The following LRRC7 variants were observed in gnomAD, a reference collection of about 807,000 sequenced individuals.
The protein encoded by LRRC7 is leucine rich repeat containing 7, also known as leucine-rich repeat-containing protein 7.
A neutral mutation model predicts 175.7 loss-of-function variants in LRRC7; 23 were observed. That is an observed-to-expected ratio of 0.13 (90% CI 0.09 to 0.19). The LOEUF (loss-of-function observed/expected upper bound fraction) is 0.19, where lower values mean the gene tolerates loss of function less well. LRRC7 is among the 10% of genes least tolerant of loss of function. The pLI, the probability that LRRC7 is intolerant of heterozygous loss-of-function variation, is 1.00. For missense variants in LRRC7, 1,354 were observed against 1,904.7 expected (o/e 0.71, Z 5.38); for synonymous variants, 685 against 680.9 (o/e 1.01, Z -0.09).
chr1:69,843,238 A>G (rs1681939953), intron 7 of LRRC7, among the ~76,000 whole-genome samples: 2 of 151,942 alleles, frequency 1.3e-5, no homozygotes, highest in Non-Finnish European at 2.9e-5. Context: ...AGTATAGAGC[A>G]TCAAAAAGAG....
intron 1 of LRRC7, among the ~76,000 whole-genome samples, chr1:69,677,880 C>G (rs12133092): frequency 0.21 from 31,779 of 151,942 alleles, 3,483 homozygotes; most frequent in South Asian, 0.29. Flanking sequence ...GTTCCTTGTG[C>G]AGGCCTTCAC....
intron 4 of LRRC7, among the ~76,000 whole-genome samples, chr1:69,810,750 T>G (rs955816247): frequency 6.6e-6 from 1 of 152,204 alleles, no homozygotes; most frequent in South Asian, 2.1e-4. Flanking sequence ...ATCCTTTCCT[T>G]GCACCTTACA....
At chr1:69,679,306 C>A (rs1439087332) in intron 2 of LRRC7, among the ~76,000 whole-genome samples, 1 of 151,968 alleles carries the variant, frequency 6.6e-6, no homozygotes, top group Non-Finnish European at 1.5e-5. Flanking sequence ...AAGGATAAAG[C>A]TAATGTAGTG....
chr1:69,777,380 CT>C (rs1367304553), intron 3 of LRRC7, among the ~76,000 whole-genome samples: 1 of 152,160 alleles, frequency 6.6e-6, no homozygotes, highest in African/African-American at 2.4e-5. Context: ...TCATTTGTAT[CT>C]TTTACAATGC....
At chr1:69,767,279 T>C (rs940639377) in intron 3 of LRRC7, among the ~76,000 whole-genome samples, 1 of 152,142 alleles carries the variant, frequency 6.6e-6, no homozygotes, top group African/African-American at 2.4e-5. Context: ...AAATAGAATA[T>C]AACACTTTTA....
At chr1:69,985,100 A>ATGCTT (rs1557958417) in intron 9 of LRRC7, among the ~76,000 whole-genome samples, 1 of 152,088 alleles carries the variant, frequency 6.6e-6, no homozygotes, top group Admixed American at 6.5e-5. Context: ...CATTCACTAC[A>ATGCTT]TGCTTTTTTA....
intron 7 of LRRC7, among the ~76,000 whole-genome samples, chr1:69,930,129 GTTATT>G (rs1200627062): frequency 2.6e-5 from 4 of 151,918 alleles, no homozygotes; most frequent in African/African-American, 7.3e-5. Flanking sequence ...CTTTTAATAT[GTTATT>G]TTATTTTATT....
chr1:69,767,937 A>AG (rs949660677), intron 3 of LRRC7, among the ~76,000 whole-genome samples: 1 of 151,982 alleles, frequency 6.6e-6, no homozygotes, highest in Non-Finnish European at 1.5e-5. Flanking sequence ...GCCCTAGGTG[A>AG]GGGAAAAAAA....
intron 7 of LRRC7, chr1:69,873,542 A>T (rs1478181836): frequency 1.9e-6 from 1 of 523,816 alleles, no homozygotes; most frequent in Non-Finnish European, 3.9e-6. Context: ...GAGGATGTGG[A>T]GGGAGCAGCT....
chr1:69,658,094 T>C (rs1310402607), intron 1 of LRRC7, among the ~76,000 whole-genome samples: 3 of 151,824 alleles, frequency 2.0e-5, no homozygotes, highest in Non-Finnish European at 4.4e-5. Flanking sequence ...TCTGATGTAA[T>C]ACAAAAAAAC....
At chr1:69,616,921 G>GT (rs1557490916) in intron 1 of LRRC7, among the ~76,000 whole-genome samples, 1 of 152,000 alleles carries the variant, frequency 6.6e-6, no homozygotes, top group African/African-American at 2.4e-5. Context: ...TGAGAGGAAC[G>GT]TATGTTCATA....
rs190590199 is a variant in LRRC7, at chr1:69,652,591, G to A, written c.3-25790G>A. 1.1e-3 allele frequency among the ~76,000 whole-genome samples: 165 copies of A among 151,962 alleles called. 1 individual carries two copies. Among genetic ancestry groups the A allele is most frequent in the Non-Finnish European group, 1.9e-3 (130 of 67,976 alleles). Reference sequence around the variant, plus strand: ...TGCAATCTCTACCAAAATCCCAATGGCATTTTTAAAGTGAATTGTGTAATT... The same window carrying A: ...TGCAATCTCTACCAAAATCCCAATGACATTTTTAAAGTGAATTGTGTAATT... On this transcript the variant is annotated intron_variant, in intron 1 of 26. Transcript: ENST00000651989.
chr1:69,908,642 T>C (rs1414362470), intron 7 of LRRC7, among the ~76,000 whole-genome samples: 3 of 148,552 alleles, frequency 2.0e-5, no homozygotes, highest in Non-Finnish European at 3.0e-5. Context: ...TTGTTATAAT[T>C]TCCGTTCTTT....
intron 25 of LRRC7, among the ~76,000 whole-genome samples, chr1:70,095,569 A>C (rs896836396): frequency 6.6e-6 from 1 of 152,202 alleles, no homozygotes; most frequent in Non-Finnish European, 1.5e-5. Flanking sequence ...ATTTATACCA[A>C]GCTTTTTTTA....
chr1:69,781,778 AAAGAAAGAAAGG>A (rs1185032580), intron 3 of LRRC7, among the ~76,000 whole-genome samples: 34 of 61,398 alleles, frequency 5.5e-4, no homozygotes, highest in Non-Finnish European at 7.4e-4. Context: ...AGAAAGAAAG[AAAGAAAGAAAGG>A]AAGGAAGGAA....
chr1:69,588,609 A>G (rs1646496377), intron 1 of LRRC7, among the ~76,000 whole-genome samples: 1 of 152,192 alleles, frequency 6.6e-6, no homozygotes, highest in Non-Finnish European at 1.5e-5. Context: ...GAAATTTGAA[A>G]CAGGCTGTAT....
In LRRC7 at chr1:70,107,787, A is replaced by G. The variant is rs1219450786; in HGVS notation, c.4581A>G (p.Pro1527=). Reference sequence around the variant, plus strand: ...TTACTAGGGTTCAGCCTGATGGGCCAGCATCAAACCTACTGCAGCCTGGTG... The same window carrying G: ...TTACTAGGGTTCAGCCTGATGGGCCGGCATCAAACCTACTGCAGCCTGGTG... The part of the protein sequence containing the change: ...IFVTRVQPDG[P]ASNLLQPGDK... The change falls in exon 26 of 27, where the codon CCA becomes CCG. Residue 1527 remains proline, a synonymous_variant. Coordinates refer to ENST00000651989, the MANE Select transcript of LRRC7 (RefSeq NM_001370785.2). 1 of 1,613,342 alleles carries G rather than the reference A, an allele frequency of 6.2e-7. No individual in the cohort carries two copies. The highest frequency in any genetic ancestry group is 1.1e-5 in the South Asian group (1 of 91,022).
chr1:70,020,777 G>A (rs1557993595), intron 15 of LRRC7: 3 of 266,278 alleles, frequency 1.1e-5, no homozygotes, highest in Admixed American at 5.2e-5. Flanking sequence ...CCGATCCTGA[G>A]TATTTTAGGA....
At chr1:69,745,738 TG>T (rs1262785922) in intron 2 of LRRC7, among the ~76,000 whole-genome samples, 1 of 151,760 alleles carries the variant, frequency 6.6e-6, no homozygotes, top group Non-Finnish European at 1.5e-5. Flanking sequence ...TGTGTGTGTT[TG>T]TGTATGTATT....
Sources: gnomAD v4.1 joint callset for allele counts (sites outside exome capture counted in the v4.1 genomes callset) on GRCh38, gnomAD v4.1.1 for gene constraint, MANE v1.5 for transcripts, NCBI Gene and HGNC (gene_info 2026-07-23, HGNC 2026-07-21) for gene names.